SUN1: variants seen among roughly 807,000 people sequenced by gnomAD.
The protein encoded by SUN1 is SUN domain-containing protein 1.
Under a neutral mutation model 103.2 loss-of-function variants are expected in SUN1, and 61 were observed. The observed-to-expected ratio is 0.59, with a 90% CI of 0.48 to 0.73. SUN1 has a LOEUF of 0.73. SUN1 is among the 30% of genes least tolerant of loss of function. The probability of loss-of-function intolerance (pLI) is 0.00; values close to 1 mark genes in which losing one functional copy is unlikely to be tolerated. For missense variants in SUN1, 1,052 were observed against 1,034.6 expected (o/e 1.02, Z -0.23); for synonymous variants, 490 against 425.7 (o/e 1.15, Z -1.86).
At chr7:823,037 C>T (rs1787849186) in intron 1 of SUN1, among the ~76,000 whole-genome samples, 1 of 152,248 alleles carries the variant, frequency 6.6e-6, no homozygotes, top group Non-Finnish European at 1.5e-5. Context: ...AATTCCTGTA[C>T]AGGATTTTTC....
chr7:852,945 C>T lies in SUN1; in HGVS notation c.1046C>T (p.Pro349Leu), dbSNP rs1823631300. ...FKPTTSRLKQ[P>L]LQGDSEAFPW... is the part of the protein sequence containing the mutation. Reference sequence around the variant, plus strand: ...CCCACGACTTCTCGCCTGAAGCAGCCTCTGCAGGTAAGAGGGTAGAAAGGC... The same window carrying T: ...CCCACGACTTCTCGCCTGAAGCAGCTTCTGCAGGTAAGAGGGTAGAAAGGC... Residue 349 changes from proline (P) to leucine (L), a missense_variant, in exon 9 of 19, where the codon CCT becomes CTT. Coordinates refer to ENST00000401592, the MANE Select transcript of SUN1 (RefSeq NM_001130965.3). The T allele has an allele frequency of 1.2e-6, 2 of 1,612,462 alleles. No homozygotes were observed. The highest frequency in any genetic ancestry group is 1.7e-6 in the Non-Finnish European group (2 of 1,179,490).
intron 15 of SUN1, among the ~76,000 whole-genome samples, chr7:864,872 A>G (rs1333961204): frequency 1.3e-5 from 2 of 151,770 alleles, no homozygotes; most frequent in Non-Finnish European, 1.5e-5. Context: ...CAGGTGATCC[A>G]CCCACCTCGG....
In SUN1 at chr7:873,402, G is replaced by A; in HGVS notation, c.*71G>A. The stretch of plus-strand genomic sequence containing the variant: ...GCGTGAAACACTGGAATCCTTCATG[G>A]ACGAGGGCATATACAATGATGGGAC... On this transcript the variant is annotated 3_prime_UTR_variant, in exon 19 of 19. Transcript: ENST00000401592. 1 of 1,353,500 alleles carries A rather than the reference G, an allele frequency of 7.4e-7. No homozygotes were observed. The highest frequency in any genetic ancestry group is 1.1e-6 in the Non-Finnish European group (1 of 947,330). 83.8% of individuals were successfully genotyped at this position (1,353,500 alleles called of 1,614,324 possible).
chr7:844,729 C>G (rs895816031), intron 5 of SUN1, among the ~76,000 whole-genome samples: 1 of 152,210 alleles, frequency 6.6e-6, no homozygotes, highest in African/African-American at 2.4e-5. Flanking sequence ...AGCGGCCACT[C>G]TGCGCCAGGC....
chr7:865,066 A>C (rs377246297), intron 15 of SUN1, among the ~76,000 whole-genome samples: 5 of 152,124 alleles, frequency 3.3e-5, no homozygotes, highest in Non-Finnish European at 7.3e-5. Flanking sequence ...AAGTGAGAAC[A>C]TGGGATGTTT....
At position 854,649 on chromosome 7, in the gene SUN1, G is replaced by A. The variant is rs140947325; in HGVS notation, c.1264-271G>A. Among the ~76,000 whole-genome samples, 633 of 152,366 alleles carry A rather than the reference G, an allele frequency of 4.2e-3. 1 individual carries two copies. Among genetic ancestry groups the A allele is most frequent in the South Asian group, 0.018 (85 of 4,828 alleles). On this transcript the variant is annotated intron_variant, in intron 10 of 18. Coordinates refer to ENST00000401592, the MANE Select transcript of SUN1 (RefSeq NM_001130965.3). ...TCCCAGCTACTCAGGAGGCCGAGGCGGGAGGGTCACCTGAGCCCAGGAGGT... is the reference window on the plus strand; with the variant it reads ...TCCCAGCTACTCAGGAGGCCGAGGCAGGAGGGTCACCTGAGCCCAGGAGGT...
In SUN1 at chr7:868,444, C is replaced by T. The variant is rs570102463; in HGVS notation, c.1981-905C>T. 2.2e-4 allele frequency: 65 copies of T among 296,328 alleles called. No individual in the cohort carries two copies. In the Middle Eastern group the frequency reaches 3.6e-3, roughly 16 times the overall value. The allele number at this position is 296,328 out of a possible 1,614,324, so 18.4% of individuals were successfully genotyped here. A position where few individuals can be genotyped will look rare whatever the true frequency, so the allele number is the denominator to read the frequency against. ...GCACCGTGGCCGGGTTAGGTTAGAA[C>T]GTGCATTTTCCCAGGGCATCAGCAG... On this transcript the variant is annotated intron_variant, in intron 16 of 18. Coordinates refer to ENST00000401592, the MANE Select transcript of SUN1 (RefSeq NM_001130965.3).
chr7:848,645 C>T lies in SUN1; in HGVS notation c.659-2739C>T, dbSNP rs566781315. On this transcript the variant is annotated intron_variant, in intron 5 of 18. Transcript: ENST00000401592. Reference sequence around the variant, plus strand: ...TTAAATATTTTTTCCCTCCTTTTTCCACCAATCACACTTTCGCAGTGGAGA... The same window carrying T: ...TTAAATATTTTTTCCCTCCTTTTTCTACCAATCACACTTTCGCAGTGGAGA... The T allele has an allele frequency of 3.9e-6, 5 of 1,295,580 alleles. No homozygotes were observed. In the African/African-American group the frequency reaches 4.7e-5, roughly 12 times the overall value. 80.3% of individuals were successfully genotyped at this position (1,295,580 alleles called of 1,614,324 possible).
chr7:869,190 A>T, intron 16 of SUN1, 159 bp from the exon 17 acceptor site: 2 of 886,812 alleles, frequency 2.3e-6, no homozygotes, highest in Non-Finnish European at 3.5e-6. Flanking sequence ...GGAGTGAATT[A>T]CAAATGCCTT....
rs1789530964 is a variant in SUN1, at chr7:824,558, G to A, written c.-74+7885G>A. On this transcript the variant is annotated intron_variant, in intron 1 of 17. Transcript: ENST00000389574. Reference sequence around the variant, plus strand: ...AATAATTTGGCCTTGGGCTTTTGCTGAAACACTGTGATGACCACCGTTCTG... The same window carrying A: ...AATAATTTGGCCTTGGGCTTTTGCTAAAACACTGTGATGACCACCGTTCTG... 2.0e-5 allele frequency among the ~76,000 whole-genome samples: 3 copies of A among 152,198 alleles called. No homozygotes were observed. In the South Asian group the frequency reaches 6.2e-4, roughly 32 times the overall value.
chr7:866,256 A>G (rs562683663), intron 16 of SUN1, among the ~76,000 whole-genome samples, 189 bp downstream of exon 16: 12 of 152,276 alleles, frequency 7.9e-5, no homozygotes, highest in Non-Finnish European at 1.5e-4. Flanking sequence ...CACGCTACAC[A>G]TCTGTTGGCT....
rs140592060 is a variant in SUN1, at chr7:864,125, A to G, written c.1865-1827A>G. Among the ~76,000 whole-genome samples the G allele has an allele frequency of 5.0e-3, 765 of 152,300 alleles. 6 individuals are homozygous for G. The highest frequency in any genetic ancestry group is 0.017 in the African/African-American group (723 of 41,556). On this transcript the variant is annotated intron_variant, in intron 15 of 18. Coordinates refer to ENST00000401592, the MANE Select transcript of SUN1 (RefSeq NM_001130965.3). ...AATTTTTGTGGGTACATAGGTGCAC[A>G]TATTTATGGGGTATATATTTTGATA...
chr7:826,388 C>T (rs907511229), intron 1 of SUN1, among the ~76,000 whole-genome samples: 6 of 151,346 alleles, frequency 4.0e-5, no homozygotes, highest in African/African-American at 1.5e-4. Context: ...GCTCATCATG[C>T]CCCGCTCGGT....
chr7:816,510 T>C (rs1780543246), upstream of SUN1: 1 of 282,078 alleles, frequency 3.5e-6, no homozygotes, highest in South Asian at 2.5e-5. Context: ...CGTAGCCGCC[T>C]CGTCATTGGC....
upstream of SUN1, chr7:816,611 G>T (rs565166984): frequency 2.5e-4 from 98 of 393,146 alleles, no homozygotes; most frequent in East Asian, 3.8e-3. Flanking sequence ...TGGCTGGCGT[G>T]GGCAGAGCGT....
intron 11 of SUN1, among the ~76,000 whole-genome samples, chr7:855,553 CGT>C (rs1385969560): frequency 1.3e-5 from 2 of 152,112 alleles, no homozygotes; most frequent in Non-Finnish European, 2.9e-5. Context: ...GTCACATGTG[CGT>C]GTGTGTATTG....
intron 5 of SUN1, among the ~76,000 whole-genome samples, chr7:844,465 A>G (rs1041827856): frequency 6.6e-6 from 1 of 152,206 alleles, no homozygotes; most frequent in Non-Finnish European, 1.5e-5. Context: ...ACCGGACATA[A>G]TGAAGGATGG....
intron 16 of SUN1, chr7:869,100 A>C: frequency 2.0e-6 from 1 of 507,748 alleles, no homozygotes. Flanking sequence ...AGTATGTTGT[A>C]TGTCTCACCC....
Position 838,810 on chromosome 7 carries a change from T to A in SUN1, c.90T>A (p.Ser30=). ...TTTTTCCTTCTAGTTCCAGCTATTC[T>A]TCAGATGCTCTGGATTTTGAGACGG... ...GYTYALSSSY[S]SDALDFETEH... Residue 30 remains serine (S), a synonymous_variant, in exon 2 of 19, where the codon TCT becomes TCA. Transcript: ENST00000401592. The A allele has an allele frequency of 6.4e-7, 1 of 1,551,790 alleles. No individual in the cohort carries two copies.
Sources: allele counts gnomAD v4.1 joint callset (sites outside exome capture counted in the v4.1 genomes callset), GRCh38; gene constraint gnomAD v4.1.1; transcripts MANE v1.5; gene names NCBI Gene and HGNC (gene_info 2026-07-23, HGNC 2026-07-21).